The following MARCHF1 variants were observed in gnomAD, a reference collection of about 807,000 sequenced individuals.
MARCHF1 encodes E3 ubiquitin-protein ligase MARCHF1.
Under a neutral mutation model 54.2 loss-of-function variants are expected in MARCHF1, and 40 were observed. That is an observed-to-expected ratio of 0.74 (90% CI 0.57 to 0.96). The LOEUF (loss-of-function observed/expected upper bound fraction) is 0.96. Ranked by LOEUF, MARCHF1 falls within the 40% of genes least tolerant of loss-of-function variation. The probability of loss-of-function intolerance (pLI) is 0.00; values close to 1 mark genes in which losing one functional copy is unlikely to be tolerated. For missense variants in MARCHF1, 586 were observed against 656.5 expected (o/e 0.89, Z 1.17); for synonymous variants, 236 against 236.3 (o/e 1.00, Z 0.01).
At chr4:163,733,199 A>AAATACACATG (rs1366717938) in intron 4 of MARCHF1, among the ~76,000 whole-genome samples, 2 of 39,882 alleles carry the variant, frequency 5.0e-5, no homozygotes, top group African/African-American at 1.6e-4. Context: ...ATATATATAT[A>AAATACACATG]TATATATATA....
chr4:163,622,271 C>A (rs1029543912), intron 5 of MARCHF1, among the ~76,000 whole-genome samples: 2 of 151,862 alleles, frequency 1.3e-5, no homozygotes, highest in African/African-American at 4.8e-5. Flanking sequence ...GAGAACTGGC[C>A]CCCGATCCAC....
intron 1 of MARCHF1, among the ~76,000 whole-genome samples, chr4:164,252,637 T>C (rs1733161737): frequency 6.6e-6 from 1 of 152,172 alleles, no homozygotes; most frequent in Non-Finnish European, 1.5e-5. Context: ...GAATTTTACA[T>C]AGTAAAACCC....
chr4:164,067,699 A>C (rs1754759498), intron 2 of MARCHF1, among the ~76,000 whole-genome samples: 1 of 152,198 alleles, frequency 6.6e-6, no homozygotes, highest in Non-Finnish European at 1.5e-5. Flanking sequence ...CTCCCCAAAA[A>C]CAAATGCAAA....
At chr4:164,121,865 T>A (rs981263685) in intron 1 of MARCHF1, among the ~76,000 whole-genome samples, 1 of 145,302 alleles carries the variant, frequency 6.9e-6, no homozygotes, top group African/African-American at 2.5e-5. Context: ...TATCCTGATA[T>A]CAAAACTAGA....
chr4:164,016,068 A>G (rs1014862568), intron 2 of MARCHF1, among the ~76,000 whole-genome samples: 1 of 152,182 alleles, frequency 6.6e-6, no homozygotes, highest in Non-Finnish European at 1.5e-5. Flanking sequence ...AGTATCCATT[A>G]ATGGATGAAT....
At chr4:163,918,476 G>A (rs181134873) in intron 3 of MARCHF1, among the ~76,000 whole-genome samples, 1 of 152,186 alleles carries the variant, frequency 6.6e-6, no homozygotes, top group Non-Finnish European at 1.5e-5. Context: ...ATTAAGGTAA[G>A]AGGCCAAAAT....
chr4:164,161,392 G>C (rs904633660), intron 1 of MARCHF1, among the ~76,000 whole-genome samples: 6 of 152,114 alleles, frequency 3.9e-5, no homozygotes, highest in African/African-American at 1.4e-4. Flanking sequence ...AGAGCCATGA[G>C]CCAATCAAAC....
intron 1 of MARCHF1, among the ~76,000 whole-genome samples, chr4:164,242,116 G>A (rs921281136): frequency 4.6e-5 from 7 of 151,930 alleles, no homozygotes; most frequent in Non-Finnish European, 8.8e-5. Flanking sequence ...CGAACTGGGT[G>A]GAGCCCACCA....
intron 4 of MARCHF1, among the ~76,000 whole-genome samples, chr4:163,806,965 A>G (rs1748243675): frequency 6.6e-6 from 1 of 152,242 alleles, no homozygotes; most frequent in Non-Finnish European, 1.5e-5. Flanking sequence ...AAATCTCAGG[A>G]TCAAACGAAA....
chr4:163,589,113 C>T (rs1335842421), intron 7 of MARCHF1, among the ~76,000 whole-genome samples: 1 of 147,162 alleles, frequency 6.8e-6, no homozygotes. Context: ...CAGATAAATT[C>T]ATCACTAAAA....
At chr4:163,999,759 C>A (rs1753150286) in intron 2 of MARCHF1, among the ~76,000 whole-genome samples, 1 of 151,404 alleles carries the variant, frequency 6.6e-6, no homozygotes, top group African/African-American at 2.4e-5. Context: ...TATATATGTA[C>A]ATATAAATAT....
intron 4 of MARCHF1, among the ~76,000 whole-genome samples, chr4:163,761,347 G>A (rs1746820428): frequency 6.6e-6 from 1 of 152,168 alleles, no homozygotes; most frequent in Non-Finnish European, 1.5e-5. Flanking sequence ...AAATAGTAGA[G>A]AGCAAGGATG....
intron 4 of MARCHF1, among the ~76,000 whole-genome samples, chr4:163,853,027 C>T (rs552516410): frequency 9.9e-5 from 15 of 152,214 alleles, no homozygotes; most frequent in African/African-American, 3.4e-4. Flanking sequence ...CAGGCCCTCA[C>T]CAGACACCAA....
At chr4:163,680,655 G>A (rs1161693311) in intron 5 of MARCHF1, among the ~76,000 whole-genome samples, 1 of 152,050 alleles carries the variant, frequency 6.6e-6, no homozygotes. Context: ...AGTGTTTCTT[G>A]CCATTCTATC....
chr4:164,084,120 G>A (rs906730976), intron 2 of MARCHF1, among the ~76,000 whole-genome samples: 4 of 151,770 alleles, frequency 2.6e-5, no homozygotes, highest in Non-Finnish European at 4.4e-5. Flanking sequence ...CAAACAAATC[G>A]AGGACTTTGA....
intron 5 of MARCHF1, among the ~76,000 whole-genome samples, chr4:163,642,319 T>C (rs1384092664): frequency 6.6e-6 from 1 of 152,186 alleles, no homozygotes; most frequent in Non-Finnish European, 1.5e-5. Context: ...AAGAGTTGGT[T>C]CTTTTTTATT....
chr4:164,305,837 C>T (rs980371084), intron 1 of MARCHF1, among the ~76,000 whole-genome samples: 1 of 152,068 alleles, frequency 6.6e-6, no homozygotes, highest in East Asian at 1.9e-4. Flanking sequence ...GGTCATTACA[C>T]ATTGTACGCA....
chr4:164,073,748 CG>C (rs1226159662), intron 2 of MARCHF1, among the ~76,000 whole-genome samples: 1 of 151,986 alleles, frequency 6.6e-6, no homozygotes, highest in Non-Finnish European at 1.5e-5. Context: ...TTTTGATAAA[CG>C]GTAATATGAT....
chr4:163,734,555 G>GA (rs34496158), intron 4 of MARCHF1, among the ~76,000 whole-genome samples: 3 of 148,442 alleles, frequency 2.0e-5, no homozygotes, highest in African/African-American at 7.4e-5. Flanking sequence ...ACCAAAAAAA[G>GA]AAAAAAAAGC....
Sources: gnomAD v4.1 joint callset for allele counts (sites outside exome capture counted in the v4.1 genomes callset) on GRCh38, gnomAD v4.1.1 for gene constraint, MANE v1.5 for transcripts, NCBI Gene and HGNC (gene_info 2026-07-23, HGNC 2026-07-21) for gene names.